Variants in UNC13C observed in about 807,000 individuals in gnomAD.
UNC13C encodes the protein protein unc-13 homolog C.
UNC13C carries 174 observed loss-of-function variants against 245.4 expected under a neutral mutation model. The observed-to-expected ratio is 0.71, with a 90% CI of 0.63 to 0.80. UNC13C has a LOEUF of 0.80. UNC13C is among the 30% of genes least tolerant of loss of function. UNC13C has a pLI of 0.00. For missense variants in UNC13C, 2,829 were observed against 2,602.9 expected (o/e 1.09, Z -1.89); for synonymous variants, 992 against 895.1 (o/e 1.11, Z -1.93).
intron 4 of UNC13C, among the ~76,000 whole-genome samples, chr15:54,222,781 AT>A (rs2035265268): frequency 6.6e-6 from 1 of 151,850 alleles, no homozygotes; most frequent in Non-Finnish European, 1.5e-5. Context: ...GATAAAAGCC[AT>A]TTTTTACTGG....
chr15:54,232,951 G>T (rs2035593002), intron 4 of UNC13C, among the ~76,000 whole-genome samples: 1 of 152,126 alleles, frequency 6.6e-6, no homozygotes, highest in African/African-American at 2.4e-5. Flanking sequence ...AATTGGCAGG[G>T]GGTGGGAAGG....
intron 24 of UNC13C, among the ~76,000 whole-genome samples, chr15:54,521,564 A>G (rs1426961951): frequency 1.3e-5 from 2 of 152,166 alleles, no homozygotes; most frequent in Non-Finnish European, 2.9e-5. Context: ...AGAATATATA[A>G]CATGTATTTT....
chr15:54,537,058 G>A (rs982296109), intron 26 of UNC13C, among the ~76,000 whole-genome samples: 3 of 151,948 alleles, frequency 2.0e-5, no homozygotes, highest in African/African-American at 7.2e-5. Flanking sequence ...CATATGATGT[G>A]ATCGTATACA....
intron 1 of UNC13C, among the ~76,000 whole-genome samples, chr15:54,003,739 G>A (rs1321704615): frequency 2.0e-5 from 3 of 152,128 alleles, no homozygotes; most frequent in East Asian, 1.9e-4. Context: ...TAGGCCGGGC[G>A]CGGTGGCTTA....
At position 54,430,474 on chromosome 15, in the gene UNC13C, TATC is replaced by T. The variant is rs746197684; in HGVS notation, c.4933+15410_4933+15412del. ...ATGTTTGGATTTTTTTTTGCTTTCT[TATC>T]ATGCTGAAGGTTTAGACATTTTTTA... On this transcript the variant is annotated intron_variant, in intron 19 of 32. Transcript: ENST00000260323. 4.5e-4 allele frequency among the ~76,000 whole-genome samples: 68 copies of T among 151,814 alleles called. 2 individuals carry two copies. The highest frequency in any genetic ancestry group is 3.5e-3 in the South Asian group (17 of 4,822).
At chr15:54,431,593 G>A (rs189949086) in intron 19 of UNC13C, among the ~76,000 whole-genome samples, 17 of 151,662 alleles carry the variant, frequency 1.1e-4, no homozygotes, top group Admixed American at 7.2e-4. Context: ...GTTAATATGC[G>A]CTGCAGTCTA....
At chr15:53,871,021 G>A in the UNC13C span, among the ~76,000 whole-genome samples, 16 of 152,200 alleles carry the variant, frequency 1.1e-4, no homozygotes, top group African/African-American at 3.4e-4. Flanking sequence ...CCAGTTGCCA[G>A]TCATGTTGTG....
chr15:54,052,472 T>A (rs1286279530), intron 2 of UNC13C, among the ~76,000 whole-genome samples: 1 of 152,010 alleles, frequency 6.6e-6, no homozygotes, highest in East Asian at 1.9e-4. Context: ...TGTGAGATGG[T>A]ATCTCATTGT....
intron 2 of UNC13C, among the ~76,000 whole-genome samples, chr15:54,022,827 A>C (rs2141006215): frequency 1.3e-5 from 2 of 152,282 alleles, no homozygotes; most frequent in East Asian, 3.9e-4. Flanking sequence ...TGAGGAGTGA[A>C]GTGGCCAAGG....
chr15:53,847,250 A>G, the UNC13C span, among the ~76,000 whole-genome samples: 14 of 152,170 alleles, frequency 9.2e-5, no homozygotes, highest in Non-Finnish European at 1.8e-4. Flanking sequence ...TTTAACTTTC[A>G]CTACTTACCA....
intron 7 of UNC13C, among the ~76,000 whole-genome samples, chr15:54,249,435 T>C (rs2036082405): frequency 6.6e-6 from 1 of 152,204 alleles, no homozygotes; most frequent in Admixed American, 6.5e-5. Flanking sequence ...AGAACGTTTA[T>C]TCATTAAAAG....
the UNC13C span, among the ~76,000 whole-genome samples, chr15:53,907,619 A>C: frequency 3.9e-5 from 6 of 152,178 alleles, no homozygotes; most frequent in Non-Finnish European, 8.8e-5. Context: ...TAATAATGCT[A>C]TTATTAAAAA....
At chr15:54,307,063 TAGA>T (rs991054970) in intron 13 of UNC13C, among the ~76,000 whole-genome samples, 3 of 152,028 alleles carry the variant, frequency 2.0e-5, no homozygotes, top group East Asian at 1.9e-4. Context: ...CCCCACATTC[TAGA>T]AGATGAAATT....
intron 4 of UNC13C, among the ~76,000 whole-genome samples, chr15:54,203,206 G>C (rs1389600078): frequency 6.6e-6 from 1 of 151,664 alleles, no homozygotes; most frequent in Non-Finnish European, 1.5e-5. Context: ...CAGTGAAAAG[G>C]GAACATTTTT....
At chr15:54,351,546 C>G (rs982697236) in intron 17 of UNC13C, among the ~76,000 whole-genome samples, 1 of 152,092 alleles carries the variant, frequency 6.6e-6, no homozygotes, top group Non-Finnish European at 1.5e-5. Flanking sequence ...TTATATAATT[C>G]CTTTTAAAGA....
intron 17 of UNC13C, among the ~76,000 whole-genome samples, chr15:54,361,322 T>C (rs2414302): frequency 0.47 from 71,432 of 151,908 alleles, 17,177 homozygotes; most frequent in East Asian, 0.74. Context: ...TTTAAGATTT[T>C]TACTTGGTGT....
intron 2 of UNC13C, among the ~76,000 whole-genome samples, chr15:54,076,647 A>G (rs1897023): frequency 0.2 from 29,838 of 152,072 alleles, 3,079 homozygotes; most frequent in Admixed American, 0.29. Flanking sequence ...GTTAGTCTCT[A>G]TTACCACTTG....
chr15:53,837,941 A>T, the UNC13C span, among the ~76,000 whole-genome samples: 53 of 152,286 alleles, frequency 3.5e-4, no homozygotes, highest in African/African-American at 1.2e-3. Flanking sequence ...GCATTATTTT[A>T]AATCAAAACT....
chr15:54,465,302 G>C (rs1345486215), intron 19 of UNC13C, among the ~76,000 whole-genome samples: 1 of 151,976 alleles, frequency 6.6e-6, no homozygotes, highest in African/African-American at 2.4e-5. Context: ...AAATGTTATA[G>C]TATTCATAGT....
Sources: gnomAD v4.1 joint callset for allele counts (sites outside exome capture counted in the v4.1 genomes callset) on GRCh38, gnomAD v4.1.1 for gene constraint, MANE v1.5 for transcripts, NCBI Gene and HGNC (gene_info 2026-07-23, HGNC 2026-07-21) for gene names.